Variants in PCGF3 observed in about 807,000 individuals in gnomAD.
PCGF3 encodes the protein polycomb group RING finger protein 3.
Under a neutral mutation model 33.1 loss-of-function variants are expected in PCGF3, and 7 were observed. The ratio of observed to expected loss-of-function variants is 0.21; its 90% CI spans 0.12 to 0.40. PCGF3 has a LOEUF of 0.40. Among genes scored for constraint, PCGF3 ranks in the 10% least tolerant of loss-of-function variants. PCGF3 has a pLI of 1.00. For synonymous variants in PCGF3, 153 were observed against 121.3 expected, an observed-to-expected ratio of 1.26 and a Z score of -1.72; for missense variants, 211 against 313.3, an observed-to-expected ratio of 0.67 and a Z score of 2.46.
At chr4:756,444 C>T (rs1361087388) in intron 8 of PCGF3, among the ~76,000 whole-genome samples, 2 of 151,936 alleles carry the variant, frequency 1.3e-5, no homozygotes, top group East Asian at 1.9e-4. Context: ...AACTCCTGAC[C>T]TCAAATGATC....
intron 6 of PCGF3, among the ~76,000 whole-genome samples, chr4:740,181 T>C (rs1358720553): frequency 1.3e-5 from 2 of 152,186 alleles, no homozygotes; most frequent in Admixed American, 6.5e-5. Flanking sequence ...AGGCGAGGTG[T>C]CAGCCCTTGA....
At chr4:765,966 G>A (rs909973829) in intron 10 of PCGF3, 66 bp from the exon 11 acceptor site, 37 of 1,447,160 alleles carry the variant, frequency 2.6e-5, no homozygotes, top group Admixed American at 1.2e-4. Context: ...CACCCTTCCC[G>A]ATGAAGTAGG....
At chr4:711,641 T>C (rs1742574935) in intron 1 of PCGF3, among the ~76,000 whole-genome samples, 2 of 150,068 alleles carry the variant, frequency 1.3e-5, no homozygotes. Context: ...GTATTTTTAG[T>C]AGAGACGGGG....
At chr4:750,900 A>G (rs1390564449) in intron 8 of PCGF3, among the ~76,000 whole-genome samples, 4 of 151,664 alleles carry the variant, frequency 2.6e-5, no homozygotes, top group African/African-American at 9.7e-5. Flanking sequence ...CTCTTGTACT[A>G]ACATCGCTAC....
rs1743069006 is a variant in PCGF3 at position 721,410 on chromosome 4, C to G, written c.-189-9220C>G. 6.6e-6 allele frequency among the ~76,000 whole-genome samples: 1 copy of G among 152,108 alleles called. No individual in the cohort carries two copies. The highest frequency in any genetic ancestry group is 1.5e-5 in the Non-Finnish European group (1 of 68,020). ...TTGTGATGCCGGCTCTTCCTCCTGG[C>G]AGAGCTCCCCAGAGGAAGGCTGGGC... On this transcript the variant is annotated intron_variant, in intron 1 of 10. Coordinates refer to ENST00000362003, the Ensembl canonical transcript of PCGF3. This position sits in a 1 kb window ranked among gnomAD's most constrained non-coding sequence, Gnocchi z 4.1.
At position 737,453 on chromosome 4, in the gene PCGF3, G is replaced by A; in HGVS notation, c.207-13G>A. The stretch of plus-strand genomic sequence containing the variant: ...CATTTCCAGCTAACTCCACCTTTCT[G>A]TTCTTTTGCCAGTCATGACAGAACC... On this transcript the variant is annotated splice_polypyrimidine_tract_variant and intron_variant, in intron 5 of 10. Coordinates refer to ENST00000362003, the Ensembl canonical transcript of PCGF3. The A allele has an allele frequency of 6.3e-7, 1 of 1,590,966 alleles. No individual in the cohort carries two copies. Among genetic ancestry groups the A allele is most frequent in the Non-Finnish European group, 8.6e-7 (1 of 1,159,520 alleles).
chr4:723,059 G>A (rs1475055042), intron 1 of PCGF3, among the ~76,000 whole-genome samples: 7 of 136,498 alleles, frequency 5.1e-5, no homozygotes, highest in Admixed American at 2.2e-4. Context: ...CGCCATCCAC[G>A]CCGGGTCCAC....
chr4:765,978 C>G, intron 10 of PCGF3, 54 bp from the exon 11 acceptor site: 2 of 1,547,182 alleles, frequency 1.3e-6, no homozygotes, highest in South Asian at 1.1e-5. Context: ...TGAAGTAGGT[C>G]CTTCTCGCCT....
intron 8 of PCGF3, among the ~76,000 whole-genome samples, chr4:755,791 A>G (rs1744741244): frequency 6.6e-6 from 1 of 150,714 alleles, no homozygotes; most frequent in Non-Finnish European, 1.5e-5. Flanking sequence ...CTTGTCTCCC[A>G]TTGTGCCAAA....
chr4:742,046 T>A (rs935853077), intron 6 of PCGF3, among the ~76,000 whole-genome samples: 7 of 152,144 alleles, frequency 4.6e-5, no homozygotes, highest in African/African-American at 1.4e-4. Context: ...TCTTTCAGCA[T>A]TTCCCTTGTG....
chr4:727,491 C>T (rs1181039901), intron 1 of PCGF3, among the ~76,000 whole-genome samples: 5 of 152,012 alleles, frequency 3.3e-5, no homozygotes, highest in East Asian at 1.9e-4. Flanking sequence ...CTGCCAGCCT[C>T]GGCCTCTCAA....
At chr4:764,212 C>T (rs899391) in intron 9 of PCGF3, among the ~76,000 whole-genome samples, 33,449 of 152,144 alleles carry the variant, frequency 0.22, 4,391 homozygotes, top group Middle Eastern at 0.36. Flanking sequence ...GTGTTGGTGG[C>T]AGGGGGGTTC....
At chr4:722,153 C>G (rs911178853) in intron 1 of PCGF3, 1 of 155,194 alleles carries the variant, frequency 6.4e-6, no homozygotes. Context: ...GACACGGACA[C>G]GTCCTTACGC....
At chr4:763,291 C>T (rs1220231221) in intron 9 of PCGF3, among the ~76,000 whole-genome samples, 8 of 152,080 alleles carry the variant, frequency 5.3e-5, no homozygotes, top group African/African-American at 1.7e-4. Flanking sequence ...GGAGGTGTAG[C>T]GGGAAGCTGC....
At chr4:734,013 GA>G in intron 4 of PCGF3, 2 of 1,550,906 alleles carry the variant, frequency 1.3e-6, no homozygotes, top group Middle Eastern at 1.7e-4. Context: ...TTAGGAGAGC[GA>G]AACACAGGAG....
chr4:762,513 C>G (rs575401374), intron 9 of PCGF3: 1 of 152,440 alleles, frequency 6.6e-6, no homozygotes, highest in Admixed American at 6.5e-5. Flanking sequence ...GGGCCCTGCC[C>G]CATGCACGGA....
chr4:744,351 C>G (rs902092469), intron 7 of PCGF3, among the ~76,000 whole-genome samples: 1 of 152,246 alleles, frequency 6.6e-6, no homozygotes, highest in South Asian at 2.1e-4. Flanking sequence ...ACGCCGGCTC[C>G]GGCTGCCCCG....
chr4:722,992 C>T (rs1392475991), intron 1 of PCGF3, among the ~76,000 whole-genome samples: 12 of 146,396 alleles, frequency 8.2e-5, no homozygotes, highest in South Asian at 2.2e-4. Context: ...ATCGCCCGTC[C>T]GTGCCGGGTC....
In PCGF3 at chr4:766,104, C is replaced by CT. The variant is rs756651025; in HGVS notation, c.*26dup. 26 of 1,611,218 alleles carry CT rather than the reference C, an allele frequency of 1.6e-5. No individual in the cohort carries two copies. The South Asian group carries it at 2.9e-4, about 18-fold the overall frequency. ...AATGGTGCCACACAGCGCCCACAGA[C>CT]TGGGCCCTCGCACCCTTGGGTGCTC... On this transcript the variant is annotated 3_prime_UTR_variant, in exon 11 of 11. Transcript: ENST00000362003.
Sources: gnomAD v4.1 joint callset for allele counts (sites outside exome capture counted in the v4.1 genomes callset) on GRCh38, gnomAD v4.1.1 for gene constraint, Gnocchi (gnomAD v3.1) non-coding constraint, MANE v1.5 for transcripts, NCBI Gene and HGNC (gene_info 2026-07-23, HGNC 2026-07-21) for gene names.